Variants in TRIM69 observed in about 807,000 individuals in gnomAD.
TRIM69 encodes the protein E3 ubiquitin-protein ligase TRIM69.
Under a neutral mutation model 37.7 loss-of-function variants are expected in TRIM69, and 29 were observed. The ratio of observed to expected loss-of-function variants is 0.77; its 90% CI spans 0.57 to 1.05. TRIM69 has a LOEUF of 1.05. Among genes scored for constraint, TRIM69 ranks in the 50% least tolerant of loss-of-function variants. TRIM69 has a pLI of 0.00. For synonymous variants in TRIM69, 209 were observed against 212.4 expected, an observed-to-expected ratio of 0.98 and a Z score of 0.14; for missense variants, 596 against 579.9, an observed-to-expected ratio of 1.03 and a Z score of -0.28.
chr15:44,754,570 G>C (rs2087602532), intron 1 of TRIM69: 1 of 244,690 alleles, frequency 4.1e-6, no homozygotes, highest in East Asian at 8.4e-5. Flanking sequence ...ATAAAATAAA[G>C]GTAATAACTA....
rs192971276 is a variant in TRIM69 at position 44,737,700 on chromosome 15, C to G, written c.6+990C>G. ...TGTGCAAATGGCTTGACTCGTGAAG[C>G]AGGAGTGTGTCTTGCTCTTAGGTTT... is the stretch of plus-strand genomic sequence containing the variant. On this transcript the variant is annotated intron_variant, in intron 1 of 6. Coordinates refer to ENST00000329464, the MANE Select transcript of TRIM69 (RefSeq NM_182985.5). 6.4e-4 allele frequency among the ~76,000 whole-genome samples: 97 copies of G among 152,148 alleles called. No homozygotes were observed. The East Asian group carries it at 0.018, about 28-fold the overall frequency.
At chr15:44,762,328 G>A (rs933503625) in intron 6 of TRIM69, among the ~76,000 whole-genome samples, 1 of 152,098 alleles carries the variant, frequency 6.6e-6, no homozygotes, top group Non-Finnish European at 1.5e-5. Flanking sequence ...ATTATACGTG[G>A]TCTTGGTGTG....
At chr15:44,746,400 C>T (rs1344909696) in intron 1 of TRIM69, among the ~76,000 whole-genome samples, 1 of 152,042 alleles carries the variant, frequency 6.6e-6, no homozygotes, top group Non-Finnish European at 1.5e-5. Flanking sequence ...ATAACTTGAA[C>T]CCAGACAAAG....
intron 6 of TRIM69, 150 bp from the exon 7 acceptor site, chr15:44,767,081 A>AAAAAAAAAAAAG (rs1416046284): frequency 2.6e-6 from 1 of 390,686 alleles, no homozygotes; most frequent in Non-Finnish European, 4.5e-6. Context: ...AAAAAAAAAA[A>AAAAAAAAAAAAG]AAAGCATATA....
In TRIM69 at chr15:44,754,905, C is replaced by T. The variant is rs780572821; in HGVS notation, c.12C>T (p.Ser4=). The change falls in exon 2 of 7, where the codon TCC becomes TCT. Residue 4 remains serine, a synonymous_variant. Transcript: ENST00000329464. Reference sequence around the variant, plus strand: ...TTAGCTGTTCTTTTCTAAAGGTATCCACCAACCCCTCCTCCAACATCGATC... The same window carrying T: ...TTAGCTGTTCTTTTCTAAAGGTATCTACCAACCCCTCCTCCAACATCGATC... MEV[S]TNPSSNIDPG... is the part of the protein sequence containing the mutation. 13 of 1,608,468 alleles carry T rather than the reference C, an allele frequency of 8.1e-6. No individual in the cohort carries two copies. Among genetic ancestry groups the T allele is most frequent in the Admixed American group, 1.7e-5 (1 of 59,776 alleles).
At chr15:44,752,950 A>G (rs80102377) in intron 1 of TRIM69, 22 of 152,298 alleles carry the variant, frequency 1.4e-4, no homozygotes, top group African/African-American at 5.3e-4. Flanking sequence ...ATTATCACCA[A>G]TTATCTCTTT....
intron 1 of TRIM69, among the ~76,000 whole-genome samples, chr15:44,741,631 G>A (rs1042682735): frequency 0.015 from 2,326 of 152,036 alleles, 54 homozygotes; most frequent in African/African-American, 0.052. Context: ...ATGATAAAGG[G>A]GATATCACCA....
intron 6 of TRIM69, among the ~76,000 whole-genome samples, 153 bp from the exon 7 acceptor site, chr15:44,767,078 A>AAAAAAAAAAAAAAG (rs2087908675): frequency 6.7e-6 from 1 of 148,836 alleles, no homozygotes; most frequent in Non-Finnish European, 1.5e-5. Flanking sequence ...AAAAAAAAAA[A>AAAAAAAAAAAAAAG]AAAAAAGCAT....
intron 6 of TRIM69, among the ~76,000 whole-genome samples, chr15:44,762,979 A>C (rs934041355): frequency 1.3e-5 from 2 of 152,134 alleles, no homozygotes; most frequent in African/African-American, 4.8e-5. Context: ...GATAGTATAG[A>C]GTTTTTTATA....
intron 6 of TRIM69, among the ~76,000 whole-genome samples, chr15:44,763,749 A>C (rs969967450): frequency 2.0e-5 from 3 of 152,018 alleles, no homozygotes; most frequent in African/African-American, 7.2e-5. Context: ...ATTGAATTTA[A>C]CTCTGGCATG....
intron 1 of TRIM69, chr15:44,753,277 T>C (rs2087573066): frequency 1.3e-5 from 2 of 151,974 alleles, no homozygotes; most frequent in South Asian, 2.1e-4. Context: ...TTCATGAATA[T>C]ATAATTCTTT....
chr15:44,751,970 G>T (rs1044761650), intron 1 of TRIM69, among the ~76,000 whole-genome samples: 1 of 151,880 alleles, frequency 6.6e-6, no homozygotes, highest in Admixed American at 6.6e-5. Flanking sequence ...GCCCAGGCTG[G>T]TCTCAAGCTC....
intron 1 of TRIM69, 172 bp from the exon 2 acceptor site, chr15:44,754,719 AGCATCATAC>A: frequency 1.7e-6 from 1 of 597,852 alleles, no homozygotes; most frequent in South Asian, 2.2e-5. Flanking sequence ...AAGTTTAAAT[AGCATCATAC>A]GCTATAATTT....
chr15:44,766,110 C>T (rs1214197189), intron 6 of TRIM69, among the ~76,000 whole-genome samples: 1 of 152,036 alleles, frequency 6.6e-6, no homozygotes, highest in East Asian at 1.9e-4. Flanking sequence ...CTGTCATGGA[C>T]TGATACTTTT....
chr15:44,759,668 T>G lies in TRIM69; in HGVS notation c.836+6T>G, dbSNP rs2087730733. On this transcript the variant is annotated splice_donor_region_variant and intron_variant, in intron 5 of 6. Coordinates refer to ENST00000329464, the MANE Select transcript of TRIM69 (RefSeq NM_182985.5). ...ATCACAACTCTCTTACATAGGTAAG[T>G]GTTTCCCTATGGTACTATTAATATC... 1 of 1,613,530 alleles carries G rather than the reference T, an allele frequency of 6.2e-7. No homozygotes were observed. The highest frequency in any genetic ancestry group is 1.7e-5 in the Admixed American group (1 of 60,004).
intron 1 of TRIM69, among the ~76,000 whole-genome samples, chr15:44,749,393 A>G (rs899414806): frequency 3.3e-5 from 5 of 151,936 alleles, no homozygotes; most frequent in African/African-American, 1.2e-4. Flanking sequence ...CACTCCCCAT[A>G]TCTCCTTCTC....
chr15:44,747,098 G>C (rs2087424641), intron 1 of TRIM69, among the ~76,000 whole-genome samples: 1 of 152,120 alleles, frequency 6.6e-6, no homozygotes, highest in Non-Finnish European at 1.5e-5. Context: ...CATCCTGTTG[G>C]CCACAACCCA....
chr15:44,740,884 A>G (rs2087268101), intron 1 of TRIM69, among the ~76,000 whole-genome samples: 1 of 152,232 alleles, frequency 6.6e-6, no homozygotes, highest in African/African-American at 2.4e-5. Context: ...TTAACACCCC[A>G]CTGCCAACAT....
intron 1 of TRIM69, among the ~76,000 whole-genome samples, chr15:44,745,109 T>C (rs371961122): frequency 1.8e-4 from 27 of 152,074 alleles, no homozygotes; most frequent in African/African-American, 6.0e-4. Flanking sequence ...CCAAGTTTTC[T>C]TCTCGGAGTG....
Sources: allele counts gnomAD v4.1 joint callset (sites outside exome capture counted in the v4.1 genomes callset), GRCh38; gene constraint gnomAD v4.1.1; transcripts MANE v1.5; gene names NCBI Gene and HGNC (gene_info 2026-07-23, HGNC 2026-07-21).